Variants in RPS6KA2 observed in about 807,000 individuals in gnomAD.
RPS6KA2 encodes the protein ribosomal protein S6 kinase alpha-2.
A neutral mutation model predicts 91.8 loss-of-function variants in RPS6KA2; 42 were observed. The observed-to-expected ratio is 0.46, with a 90% confidence interval of 0.36 to 0.59. The LOEUF (loss-of-function observed/expected upper bound fraction) is 0.59, where lower values mean the gene tolerates loss of function less well. Ranked by LOEUF, RPS6KA2 falls within the 20% of genes least tolerant of loss-of-function variation. The probability of loss-of-function intolerance (pLI) is 0.00; values close to 1 mark genes in which losing one functional copy is unlikely to be tolerated. For missense variants in RPS6KA2, 798 were observed against 978.5 expected (o/e 0.82, Z 2.46); for synonymous variants, 414 against 393.6 (o/e 1.05, Z -0.61).
At chr6:166,420,615 C>T (rs1313368365) in intron 17 of RPS6KA2, among the ~76,000 whole-genome samples, 2 of 152,192 alleles carry the variant, frequency 1.3e-5, no homozygotes, top group Non-Finnish European at 2.9e-5. Context: ...GTGCATGCCA[C>T]GTTTTGCTTA....
chr6:166,543,645 G>A (rs1783729521), intron 1 of RPS6KA2, among the ~76,000 whole-genome samples: 1 of 152,174 alleles, frequency 6.6e-6, no homozygotes, highest in African/African-American at 2.4e-5. Context: ...CCTGGGCACA[G>A]TCCCTGGCCT....
intron 2 of RPS6KA2, among the ~76,000 whole-genome samples, chr6:166,740,802 T>C (rs1452784751): frequency 6.6e-6 from 1 of 152,216 alleles, no homozygotes; most frequent in East Asian, 1.9e-4. Flanking sequence ...AATGTCCAAG[T>C]AAATATTTGA....
chr6:166,826,217 T>C (rs1000156587), intron 2 of RPS6KA2, among the ~76,000 whole-genome samples: 2 of 152,244 alleles, frequency 1.3e-5, no homozygotes, highest in African/African-American at 4.8e-5. Context: ...TCATATGTAG[T>C]TTATATTTTA....
At chr6:166,499,622 A>G (rs2128477651) in intron 7 of RPS6KA2, among the ~76,000 whole-genome samples, 1 of 152,338 alleles carries the variant, frequency 6.6e-6, no homozygotes, top group East Asian at 1.9e-4. Context: ...GCTGCCATGT[A>G]AGACGTGCTT....
chr6:166,462,635 C>T (rs549101141), intron 11 of RPS6KA2, among the ~76,000 whole-genome samples: 6 of 152,332 alleles, frequency 3.9e-5, no homozygotes, highest in South Asian at 4.1e-4. Context: ...CCCGGTGCTG[C>T]GAGTCACCTG....
At position 166,435,898 on chromosome 6, in the gene RPS6KA2, C is replaced by T. The variant is rs769665775; in HGVS notation, c.1333-3408G>A. 6.6e-6 allele frequency among the ~76,000 whole-genome samples: 1 copy of T among 152,220 alleles called. No homozygotes were observed. Among genetic ancestry groups the T allele is most frequent in the Non-Finnish European group, 1.5e-5 (1 of 68,030 alleles). ...CGTGCTGCGTGGTTGGCGGCCCAGC[C>T]GCTGAGCCAGTCTGAGCCCCAGCTG... On this transcript the variant is annotated intron_variant, in intron 14 of 20. Coordinates refer to ENST00000265678, the MANE Select transcript of RPS6KA2 (RefSeq NM_021135.6). This position sits in a 1 kb window ranked among gnomAD's most constrained non-coding sequence, Gnocchi z 4.3.
intron 2 of RPS6KA2, among the ~76,000 whole-genome samples, chr6:166,827,339 A>T (rs1320041707): frequency 6.6e-6 from 1 of 151,084 alleles, no homozygotes; most frequent in African/African-American, 2.4e-5. Flanking sequence ...CTCGGACTGT[A>T]GGAACAAAAC....
intron 16 of RPS6KA2, among the ~76,000 whole-genome samples, chr6:166,424,937 A>G (rs1254333118): frequency 6.6e-6 from 1 of 152,224 alleles, no homozygotes; most frequent in Non-Finnish European, 1.5e-5. Flanking sequence ...CTTTGGCATA[A>G]GGATTATTTG....
chr6:166,844,216 A>G (rs1327043772), intron 2 of RPS6KA2, among the ~76,000 whole-genome samples: 1 of 152,160 alleles, frequency 6.6e-6, no homozygotes, highest in Non-Finnish European at 1.5e-5. Flanking sequence ...CAATGCATCA[A>G]AGACAAAGAA....
At chr6:166,455,117 TC>T (rs1211017960) in intron 12 of RPS6KA2, among the ~76,000 whole-genome samples, 2 of 151,914 alleles carry the variant, frequency 1.3e-5, no homozygotes, top group South Asian at 2.1e-4. Flanking sequence ...CAGCACTTCT[TC>T]CCCCCCTCGT....
Position 166,451,214 on chromosome 6 carries a change from C to T in RPS6KA2, c.1095G>A (p.Pro365=), listed in dbSNP as rs777170694. 15 of 1,613,782 alleles carry T rather than the reference C, an allele frequency of 9.3e-6. No homozygotes were observed. The highest frequency in any genetic ancestry group is 4.4e-5 in the South Asian group (4 of 91,066). ...RTPTDSPGVP[P]SANAHHLFRG... ...TAAACAGGTGATGAGCGTTTGCACT[C>T]GGGGGGACGCCAGGAGAGTCTGTAG... The change falls in exon 13 of 21, where the codon CCG becomes CCA. Residue 365 remains proline, a synonymous_variant. Transcript: ENST00000265678.
intron 14 of RPS6KA2, among the ~76,000 whole-genome samples, chr6:166,446,923 A>G (rs533822563): frequency 1.3e-5 from 2 of 152,344 alleles, no homozygotes; most frequent in South Asian, 2.1e-4. Context: ...TAGGCTTACG[A>G]AGCACATGTG....
intron 10 of RPS6KA2, among the ~76,000 whole-genome samples, chr6:166,487,362 G>C (rs1214249469): frequency 1.3e-5 from 2 of 152,078 alleles, no homozygotes; most frequent in African/African-American, 2.4e-5. Flanking sequence ...GACGTCACCA[G>C]TGCCACGGGA....
chr6:166,788,890 G>A (rs1278585378), intron 2 of RPS6KA2, among the ~76,000 whole-genome samples: 1 of 152,182 alleles, frequency 6.6e-6, no homozygotes, highest in African/African-American at 2.4e-5. Flanking sequence ...GAGCCAAGAT[G>A]GCTGAATAGG....
intron 2 of RPS6KA2, among the ~76,000 whole-genome samples, chr6:166,822,789 C>CAATA (rs1779935857): frequency 6.7e-6 from 1 of 149,178 alleles, no homozygotes; most frequent in African/African-American, 2.5e-5. Context: ...ACGTGTTTTC[C>CAATA]AATGAATGAA....
chr6:166,710,048 T>C (rs967024227), intron 2 of RPS6KA2, among the ~76,000 whole-genome samples: 10 of 152,242 alleles, frequency 6.6e-5, no homozygotes, highest in Admixed American at 1.3e-4. Context: ...AATAATCAAA[T>C]TGATGCAACT....
chr6:166,573,136 C>A (rs558272935), intron 1 of RPS6KA2, among the ~76,000 whole-genome samples: 47 of 152,314 alleles, frequency 3.1e-4, no homozygotes, highest in African/African-American at 1.1e-3. Flanking sequence ...AGGGTGAGAT[C>A]TTTGGTCTGT....
intron 1 of RPS6KA2, among the ~76,000 whole-genome samples, chr6:166,543,940 AG>A (rs1712074689): frequency 6.6e-6 from 1 of 152,230 alleles, no homozygotes; most frequent in Non-Finnish European, 1.5e-5. Context: ...AGCTTTATGC[AG>A]GAAGTGGGGC....
In RPS6KA2 at chr6:166,824,300, G is replaced by A. The variant is rs1779979469; in HGVS notation, c.123+33900C>T. Among the ~76,000 whole-genome samples, 8 of 152,280 alleles carry A rather than the reference G, an allele frequency of 5.3e-5. No homozygotes were observed. In the South Asian group the frequency reaches 1.7e-3, roughly 32 times the overall value. ...ATGTGGTATGGACCAACCAGTACTG[G>A]ACCTGGTGCACCAGTGTACAGAGAA... On this transcript the variant is annotated intron_variant, in intron 2 of 21. Coordinates refer to the RPS6KA2 transcript ENST00000503859.
Sources: gnomAD v4.1 joint callset for allele counts (sites outside exome capture counted in the v4.1 genomes callset) on GRCh38, gnomAD v4.1.1 for gene constraint, Gnocchi (gnomAD v3.1) non-coding constraint, MANE v1.5 for transcripts, NCBI Gene and HGNC (gene_info 2026-07-23, HGNC 2026-07-21) for gene names.